The following HOMER3 variants were observed in gnomAD, a reference collection of about 807,000 sequenced individuals.
The protein encoded by HOMER3 is homer scaffold protein 3.
A neutral mutation model predicts 45.5 loss-of-function variants in HOMER3; 34 were observed. That is an observed-to-expected ratio of 0.75 (90% CI 0.57 to 1.00). The LOEUF (loss-of-function observed/expected upper bound fraction) is 1.00, where lower values mean the gene tolerates loss of function less well. Among genes scored for constraint, HOMER3 ranks in the 50% least tolerant of loss-of-function variants. The pLI, the probability that HOMER3 is intolerant of heterozygous loss-of-function variation, is 0.00. For synonymous variants in HOMER3, 223 were observed against 208.8 expected (o/e 1.07, Z -0.58); for missense variants, 480 against 497.5 (o/e 0.96, Z 0.33).
At chr19:18,938,591 C>T (rs564270653) in intron 3 of HOMER3, 107 bp from the exon 4 acceptor site, 2 of 1,508,184 alleles carry the variant, frequency 1.3e-6, no homozygotes, top group Non-Finnish European at 9.1e-7. Context: ...TACTCTGAAC[C>T]CTTTCAGGAG....
chr19:18,938,254 G>C, intron 4 of HOMER3, 99 bp downstream of exon 4: 1 of 1,338,180 alleles, frequency 7.5e-7, no homozygotes, highest in East Asian at 2.3e-5. Flanking sequence ...CCTGCAGATG[G>C]GAAGATAGGG....
rs57792670 is a variant in HOMER3, at chr19:18,931,578, A to G, written c.738T>C (p.Gly246=). ...AQAASEVTPT[G]EKEGLGQGQS... ...GGCCCTGGCCCAGCCCCTCCTTCTC[A>G]CCGGTGGGGGTCACCTCTGAAGCTG... Residue 246 remains glycine, a synonymous_variant, in exon 8 of 10, where the codon GGT becomes GGC. Coordinates refer to ENST00000392351, the MANE Select transcript of HOMER3 (RefSeq NM_004838.4). 7,851 of 1,612,976 alleles carry G rather than the reference A, an allele frequency of 4.9e-3. 345 individuals carry two copies. In the African/African-American group the frequency reaches 0.089, roughly 18 times the overall value.
chr19:18,931,002 C>T (rs548633839), intron 9 of HOMER3, among the ~76,000 whole-genome samples: 19 of 152,044 alleles, frequency 1.2e-4, no homozygotes, highest in African/African-American at 4.3e-4. Context: ...AGCGAGACTC[C>T]ATCTCAAAGA....
At chr19:18,932,271 G>A in intron 6 of HOMER3, 139 bp from the exon 7 acceptor site, 1 of 831,944 alleles carries the variant, frequency 1.2e-6, no homozygotes, top group Non-Finnish European at 1.7e-6. Context: ...GTGCGGAGTC[G>A]TGCGCGAAGT....
chr19:18,940,308 G>T (rs2057141224), intron 1 of HOMER3: 1 of 152,242 alleles, frequency 6.6e-6, no homozygotes, highest in Non-Finnish European at 1.5e-5. Flanking sequence ...AGCGTTTGGG[G>T]AAAGTTACTC....
Position 18,931,562 on chromosome 19 carries a change from C to A in HOMER3, c.754G>T (p.Gly252Cys). The A allele has an allele frequency of 8.7e-6, 14 of 1,613,516 alleles. No individual in the cohort carries two copies. The highest frequency in any genetic ancestry group is 1.1e-5 in the Non-Finnish European group (13 of 1,179,978). ...AGCTGTTCCAGCGACTGGCCCTGGC[C>A]CAGCCCCTCCTTCTCACCGGTGGGG... The part of the protein sequence containing the change: ...VTPTGEKEGL[G>C]QGQSLEQLEA... Residue 252 changes from glycine to cysteine, a missense_variant, in exon 8 of 10, where the codon GGC becomes TGC. Coordinates refer to ENST00000392351, the MANE Select transcript of HOMER3 (RefSeq NM_004838.4).
intron 9 of HOMER3, 157 bp downstream of exon 9, chr19:18,931,168 T>C (rs1231606856): frequency 1.6e-6 from 1 of 631,562 alleles, no homozygotes; most frequent in Non-Finnish European, 2.8e-6. Flanking sequence ...TATGAAACTG[T>C]ACCAACAGCC....
chr19:18,934,871 G>GTT (rs578069119), intron 4 of HOMER3, among the ~76,000 whole-genome samples: 15,680 of 121,588 alleles, frequency 0.13, 998 homozygotes, highest in African/African-American at 0.16. Flanking sequence ...CCTGTTTTTT[G>GTT]TTTTTTTTTT....
chr19:18,930,699 A>T (rs1004560299), intron 9 of HOMER3, among the ~76,000 whole-genome samples: 1 of 150,758 alleles, frequency 6.6e-6, no homozygotes, highest in African/African-American at 2.4e-5. Context: ...ACATGAGGAA[A>T]CCCCATCTCT....
At chr19:18,931,740 C>A in intron 7 of HOMER3, 115 bp from the exon 8 acceptor site, 1 of 1,497,170 alleles carries the variant, frequency 6.7e-7, no homozygotes. Context: ...CACCCATCTC[C>A]CTTGGTTGGT....
rs1441610852 is a variant in HOMER3, at chr19:18,929,614, C to T, written c.915G>A (p.Ala305=). 11 of 1,528,842 alleles carry T rather than the reference C, an allele frequency of 7.2e-6. No homozygotes were observed. Among genetic ancestry groups the T allele is most frequent in the East Asian group, 4.9e-5 (2 of 40,728 alleles). 94.7% of individuals were successfully genotyped at this position (1,528,842 alleles called of 1,614,324 possible). A position where few individuals can be genotyped will look rare whatever the true frequency, so the allele number is the denominator to read the frequency against. The change falls in exon 10 of 10, where the codon GCG becomes GCA. Residue 305 remains alanine, a synonymous_variant. Coordinates refer to ENST00000392351, the MANE Select transcript of HOMER3 (RefSeq NM_004838.4). ...TCGCCCGCAGCTGGTGCTCCAACTC[C>T]GCATTGCGGGTCTCCAGGTCCTGCC... The part of the protein sequence containing the change: ...QKVQDLETRN[A]ELEHQLRAME...
At chr19:18,930,985 G>A (rs1477926321) in intron 9 of HOMER3, among the ~76,000 whole-genome samples, 1 of 152,058 alleles carries the variant, frequency 6.6e-6, no homozygotes, top group Admixed American at 6.5e-5. Flanking sequence ...TCCAGCCTGG[G>A]CAACAGAGCG....
intron 4 of HOMER3, among the ~76,000 whole-genome samples, chr19:18,935,411 C>T (rs559114877): frequency 6.6e-6 from 1 of 152,216 alleles, no homozygotes; most frequent in Admixed American, 6.5e-5. Context: ...GTGAGAATGA[C>T]AGGTATGAGC....
intron 9 of HOMER3, 155 bp downstream of exon 9, chr19:18,931,170 C>T (rs2057027360): frequency 3.1e-6 from 2 of 635,752 alleles, no homozygotes; most frequent in East Asian, 5.4e-5. Context: ...TGAAACTGTA[C>T]CAACAGCCAC....
At chr19:18,936,786 G>C (rs1218144396) in intron 4 of HOMER3, among the ~76,000 whole-genome samples, 1 of 151,560 alleles carries the variant, frequency 6.6e-6, no homozygotes, top group Non-Finnish European at 1.5e-5. Context: ...TCAGGAGATC[G>C]AGACCATCCT....
In HOMER3 at chr19:18,929,590, C is replaced by A. The variant is rs1188427856; in HGVS notation, c.939G>T (p.Ala313=). The A allele has an allele frequency of 1.3e-6, 2 of 1,540,518 alleles. No homozygotes were observed. The highest frequency in any genetic ancestry group is 2.4e-5 in the East Asian group (1 of 41,056). ...GTGCCTCCTCCAGGCTGCGCTCCAT[C>A]GCCCGCAGCTGGTGCTCCAACTCCG... ...RNAELEHQLR[A]MERSLEEARA... Residue 313 remains alanine (A), a synonymous_variant, in exon 10 of 10, where the codon GCG becomes GCT. Coordinates refer to ENST00000392351, the MANE Select transcript of HOMER3 (RefSeq NM_004838.4).
At chr19:18,933,580 T>C in intron 5 of HOMER3, among the ~76,000 whole-genome samples, 1 of 152,104 alleles carries the variant, frequency 6.6e-6, no homozygotes, top group East Asian at 1.9e-4. Flanking sequence ...TTTTCATCTC[T>C]CCAACCCCTG....
At position 18,931,327 on chromosome 19, in the gene HOMER3, G is replaced by A; in HGVS notation, c.892C>T (p.Gln298Ter). The A allele has an allele frequency of 6.2e-7, 1 of 1,613,812 alleles. No individual in the cohort carries two copies. The highest frequency in any genetic ancestry group is 8.5e-7 in the Non-Finnish European group (1 of 1,179,828). The change falls in exon 9 of 10, where the codon CAG (glutamine) becomes TAG (stop). Residue 298 changes from glutamine to a stop codon, truncating the protein, a stop_gained and splice_region_variant. Transcript: ENST00000392351. LOFTEE classifies it high-confidence loss of function. ...CACCTCCTTGTGCCCACACACACCT[G>A]CACCTTCTGCTGAGTCTCCTCACGC... ...AEREETQQKV[Q>*]DLETRNAELE...
At chr19:18,934,864 GT>G (rs1021383752) in intron 4 of HOMER3, among the ~76,000 whole-genome samples, 1 of 114,066 alleles carries the variant, frequency 8.8e-6, no homozygotes, top group African/African-American at 2.9e-5. Context: ...CCCTTTTCCT[GT>G]TTTTTGTTTT....
Sources: allele counts gnomAD v4.1 joint callset (sites outside exome capture counted in the v4.1 genomes callset), GRCh38; gene constraint gnomAD v4.1.1; transcripts MANE v1.5; gene names NCBI Gene and HGNC (gene_info 2026-07-23, HGNC 2026-07-21).